Variants in UGDH observed in about 807,000 individuals in gnomAD.
UGDH encodes the protein UDP-Glc dehydrogenase.
A neutral mutation model predicts 50.6 loss-of-function variants in UGDH; 38 were observed. The ratio of observed to expected loss-of-function variants is 0.75; its 90% CI spans 0.58 to 0.98. The LOEUF (loss-of-function observed/expected upper bound fraction) is 0.98, where lower values mean the gene tolerates loss of function less well. UGDH is among the 50% of genes least tolerant of loss of function. UGDH has a pLI of 0.00. For synonymous variants in UGDH, 168 were observed against 199.9 expected (o/e 0.84, Z 1.35); for missense variants, 465 against 606.2 (o/e 0.77, Z 2.45).
At chr4:39,515,119 G>A (rs897386218) in intron 2 of UGDH, among the ~76,000 whole-genome samples, 1 of 152,156 alleles carries the variant, frequency 6.6e-6, no homozygotes, top group Non-Finnish European at 1.5e-5. Context: ...GATTATAGGA[G>A]TAAGTTACCA....
At chr4:39,505,051 T>C (rs1745973822) in intron 9 of UGDH, among the ~76,000 whole-genome samples, 186 bp downstream of exon 9, 1 of 152,128 alleles carries the variant, frequency 6.6e-6, no homozygotes, top group South Asian at 2.1e-4. Context: ...AATGGACCAA[T>C]CCACAGCTGA....
rs373456890 is a variant in UGDH, at chr4:39,506,233, TA to T, written c.907-486del. On this transcript the variant is annotated intron_variant, in intron 7 of 11. Coordinates refer to ENST00000316423, the MANE Select transcript of UGDH (RefSeq NM_003359.4). The stretch of plus-strand genomic sequence containing the variant: ...ACAGAGCCAGACCCTGCCGTAAATT[TA>T]AAAAAAAAAAAAAAGCCATTCTAAA... Among the ~76,000 whole-genome samples the T allele has an allele frequency of 4.5e-3, 591 of 130,950 alleles. 5 individuals are homozygous for T. Among genetic ancestry groups the T allele is most frequent in the African/African-American group, 9.5e-3 (324 of 34,256 alleles). 85.9% of individuals were successfully genotyped at this position (130,950 alleles called of 152,430 possible). A position where few individuals can be genotyped will look rare whatever the true frequency, so the allele number is the denominator to read the frequency against.
In UGDH at chr4:39,505,665, C is replaced by CCCAAAATTTGATATTTAA; in HGVS notation, c.989_990insTTAAATATCAAATTTTGG (p.Lys330delinsAsnTer). The CCCAAAATTTGATATTTAA allele has an allele frequency of 6.2e-7, 1 of 1,609,028 alleles. No individual in the cohort carries two copies. Among genetic ancestry groups the CCCAAAATTTGATATTTAA allele is most frequent in the Non-Finnish European group, 8.5e-7 (1 of 1,177,434 alleles). On this transcript the variant is annotated stop_gained and protein_altering_variant, in exon 8 of 12. Coordinates refer to ENST00000316423, the MANE Select transcript of UGDH (RefSeq NM_003359.4). LOFTEE classifies it high-confidence loss of function. ...TGAATGCAAATCCCAAAATAGCTAT[C>CCCAAAATTTGATATTTAA]TTCTTATCAGTTACTGTATTAAACA... is the stretch of plus-strand genomic sequence containing the variant.
At chr4:39,525,801 GC>G (rs962871115) in intron 1 of UGDH, among the ~76,000 whole-genome samples, 1 of 152,176 alleles carries the variant, frequency 6.6e-6, no homozygotes, top group Admixed American at 6.5e-5. Context: ...GAGCCACCAC[GC>G]CCGGCCCCCA....
chr4:39,500,047 A>C lies in UGDH; in HGVS notation c.*96T>G, dbSNP rs559757240. 713 of 733,054 alleles carry C rather than the reference A, an allele frequency of 9.7e-4. 4 individuals are homozygous for C. The highest frequency in any genetic ancestry group is 5.5e-3 in the South Asian group (237 of 43,186). The allele number at this position is 733,054 out of a possible 1,614,324, so 45.4% of individuals were successfully genotyped here. A position where few individuals can be genotyped will look rare whatever the true frequency, so the allele number is the denominator to read the frequency against. On this transcript the variant is annotated 3_prime_UTR_variant, in exon 12 of 12. Transcript: ENST00000316423. ...TGTCTCAAAAAAAAAACAAAAAAAAACACTTGGTTCATTTACCATTTAATA... is the reference window on the plus strand; with the variant it reads ...TGTCTCAAAAAAAAAACAAAAAAAACCACTTGGTTCATTTACCATTTAATA...
At chr4:39,524,462 G>A (rs1746794191) in intron 1 of UGDH, among the ~76,000 whole-genome samples, 3 of 151,866 alleles carry the variant, frequency 2.0e-5, no homozygotes, top group South Asian at 2.1e-4. Flanking sequence ...TCAGATTGCC[G>A]ATCATAGTAT....
intron 11 of UGDH, among the ~76,000 whole-genome samples, chr4:39,500,786 C>T (rs931197100): frequency 1.3e-5 from 2 of 150,520 alleles, no homozygotes; most frequent in African/African-American, 2.4e-5. Flanking sequence ...TTCTGAGTAG[C>T]TGGGATTACA....
chr4:39,517,912 T>C (rs1746497219), intron 2 of UGDH, among the ~76,000 whole-genome samples: 3 of 151,632 alleles, frequency 2.0e-5, no homozygotes, highest in South Asian at 2.1e-4. Flanking sequence ...AAATAATTCA[T>C]GTAGCCATTC....
intron 1 of UGDH, among the ~76,000 whole-genome samples, chr4:39,522,019 C>G (rs1746683134): frequency 6.6e-6 from 1 of 152,156 alleles, no homozygotes; most frequent in East Asian, 1.9e-4. Flanking sequence ...AGATTATATG[C>G]CCTACACACT....
chr4:39,513,262 T>C (rs529843510), intron 3 of UGDH, among the ~76,000 whole-genome samples: 1 of 152,308 alleles, frequency 6.6e-6, no homozygotes. Flanking sequence ...TAATCTCAAG[T>C]GTTGGTTCTG....
chr4:39,504,233 A>G (rs10004662), intron 10 of UGDH, among the ~76,000 whole-genome samples, 184 bp downstream of exon 10: 34,025 of 151,806 alleles, frequency 0.22, 6,056 homozygotes, highest in African/African-American at 0.48. Flanking sequence ...GCGTGAACCC[A>G]GGAGGCAGAG....
At chr4:39,523,286 A>T (rs1005753289) in intron 1 of UGDH, among the ~76,000 whole-genome samples, 51 of 151,940 alleles carry the variant, frequency 3.4e-4, no homozygotes, top group Non-Finnish European at 5.4e-4. Flanking sequence ...TCCTGAGCTC[A>T]TGCAATCTGC....
At chr4:39,524,810 A>C (rs1746810032) in intron 1 of UGDH, among the ~76,000 whole-genome samples, 2 of 152,072 alleles carry the variant, frequency 1.3e-5, no homozygotes, top group Admixed American at 1.3e-4. Flanking sequence ...CATCTGGCCA[A>C]GTTCTTTTTT....
In UGDH at chr4:39,509,898, C is replaced by A; in HGVS notation, c.673G>T (p.Ala225Ser). 1 of 1,576,248 alleles carries A rather than the reference C, an allele frequency of 6.3e-7. No homozygotes were observed. The highest frequency in any genetic ancestry group is 8.5e-7 in the Non-Finnish European group (1 of 1,170,316). Reference protein sequence around the residue: ...SSELSKLAANAFLAQRISSIN... With the variant: ...SSELSKLAANSFLAQRISSIN... ...CTGCTTATTCTCTGGGCAAGAAAAG[C>A]ATTTGCTGCCTTAAAAAAAAAAAAC... The change falls in exon 6 of 12, where the codon GCT (alanine) becomes TCT (serine). Residue 225 changes from alanine to serine, a missense_variant. Transcript: ENST00000316423.
intron 1 of UGDH, among the ~76,000 whole-genome samples, chr4:39,525,049 T>C (rs945531733): frequency 2.6e-5 from 4 of 152,242 alleles, no homozygotes; most frequent in Non-Finnish European, 2.9e-5. Flanking sequence ...GGAGAATCAA[T>C]GAAAAGGCTG....
intron 2 of UGDH, among the ~76,000 whole-genome samples, chr4:39,515,905 G>A (rs1373388003): frequency 6.6e-6 from 1 of 152,008 alleles, no homozygotes; most frequent in Non-Finnish European, 1.5e-5. Flanking sequence ...TTTCCATGTT[G>A]GCCAGGCTGG....
chr4:39,518,796 T>G (rs1411587435), intron 2 of UGDH, among the ~76,000 whole-genome samples: 1 of 152,036 alleles, frequency 6.6e-6, no homozygotes, highest in Non-Finnish European at 1.5e-5. Context: ...CAAACACGTC[T>G]GCCAAGTGAC....
In UGDH at chr4:39,500,128, T is replaced by C. The variant is rs780662298; in HGVS notation, c.*15A>G. On this transcript the variant is annotated 3_prime_UTR_variant, in exon 12 of 12. Transcript: ENST00000316423. ...AAAAAAAAAAAAAAAAAATCACAAA[T>C]AAAAATGGCAATCTCTACACTTTAG... 1.6e-6 allele frequency: 2 copies of C among 1,275,800 alleles called. No individual in the cohort carries two copies. Among genetic ancestry groups the C allele is most frequent in the South Asian group, 3.6e-5 (2 of 55,884 alleles). The allele number at this position is 1,275,800 out of a possible 1,614,324, so 79.0% of individuals were successfully genotyped here.
intron 11 of UGDH, among the ~76,000 whole-genome samples, chr4:39,500,905 C>A (rs546344582): frequency 4.6e-5 from 7 of 151,570 alleles, no homozygotes; most frequent in Admixed American, 3.9e-4. Context: ...CTGCCTGCCT[C>A]GGCCTCCCAG....
Sources: gnomAD v4.1 joint callset for allele counts (sites outside exome capture counted in the v4.1 genomes callset) on GRCh38, gnomAD v4.1.1 for gene constraint, MANE v1.5 for transcripts, NCBI Gene and HGNC (gene_info 2026-07-23, HGNC 2026-07-21) for gene names.